TRAP1: variants seen among roughly 807,000 people sequenced by gnomAD.
TRAP1 encodes heat shock protein 75 kDa, mitochondrial.
TRAP1 carries 102 observed loss-of-function variants against 89.1 expected under a neutral mutation model. The observed-to-expected ratio is 1.15, with a 90% CI of 0.98 to 1.35. The LOEUF is 1.35. Among genes scored for constraint, TRAP1 ranks in the 40% most tolerant of loss-of-function variants. TRAP1 has a pLI of 0.00. For synonymous variants in TRAP1, 508 were observed against 388.0 expected, an observed-to-expected ratio of 1.31 and a Z score of -3.64; for missense variants, 1,256 against 945.3, an observed-to-expected ratio of 1.33 and a Z score of -4.31.
At chr16:3,692,593 GC>G (rs1299446018) in intron 1 of TRAP1, among the ~76,000 whole-genome samples, 19 of 120,128 alleles carry the variant, frequency 1.6e-4, no homozygotes, top group South Asian at 1.2e-3. Context: ...ACAAAAACTT[GC>G]CTTTTTTTTT....
intron 6 of TRAP1, among the ~76,000 whole-genome samples, chr16:3,677,185 C>T (rs1161219223): frequency 6.6e-6 from 1 of 152,036 alleles, no homozygotes; most frequent in South Asian, 2.1e-4. Flanking sequence ...GAAGGTCGGT[C>T]ACAGGAGGCT....
chr16:3,717,420 C>G lies in TRAP1; in HGVS notation c.88+1G>C. Reference sequence around the variant, plus strand: ...TGCCCGTCCAGCCAGGACGCCCTCACCTCCCGGCACGGCCGCCAGCGCCGG... The same window carrying G: ...TGCCCGTCCAGCCAGGACGCCCTCAGCTCCCGGCACGGCCGCCAGCGCCGG... On this transcript the variant is annotated splice_donor_variant, in intron 1 of 17. Transcript: ENST00000246957. LOFTEE classifies it high-confidence loss of function. 1 of 1,209,492 alleles carries G rather than the reference C, an allele frequency of 8.3e-7. No homozygotes were observed. The highest frequency in any genetic ancestry group is 1.0e-6 in the Non-Finnish European group (1 of 962,792). The allele number at this position is 1,209,492 out of a possible 1,614,324, so 74.9% of individuals were successfully genotyped here. A position where few individuals can be genotyped will look rare whatever the true frequency, so the allele number is the denominator to read the frequency against.
chr16:3,672,681 C>CGGGGGCACTGCTCAGA lies in TRAP1; in HGVS notation c.1165+18_1165+19insTCTGAGCAGTGCCCCC, dbSNP rs772973284. The CGGGGGCACTGCTCAGA allele has an allele frequency of 1.7e-5, 27 of 1,599,794 alleles. No homozygotes were observed. The highest frequency in any genetic ancestry group is 2.3e-5 in the Non-Finnish European group (27 of 1,174,276). ...CACTGGGCCACGGGGGCACTGCTCA[C>CGGGGGCACTGCTCAGA]GGACTCTGAGCAGCGTACCTCGGAT... On this transcript the variant is annotated intron_variant, in intron 10 of 17. Transcript: ENST00000246957.
At chr16:3,665,020 AG>A (rs1174712064) in intron 12 of TRAP1, 1 of 153,908 alleles carries the variant, frequency 6.5e-6, no homozygotes, top group African/African-American at 2.4e-5. Context: ...AAACAGAAAG[AG>A]GGAAAAGCAA....
rs1039598127 is a variant in TRAP1 at position 3,677,769 on chromosome 16, C to A, written c.544-111G>T. The A allele has an allele frequency of 3.9e-6, 5 of 1,278,320 alleles. No individual in the cohort carries two copies. In the African/African-American group the frequency reaches 4.5e-5, roughly 11 times the overall value. 79.2% of individuals were successfully genotyped at this position (1,278,320 alleles called of 1,614,324 possible). On this transcript the variant is annotated intron_variant, in intron 5 of 17. Transcript: ENST00000246957. Reference sequence around the variant, plus strand: ...TAAGACCCCTTCATCCTGAAAACAGCCACACCGAGTACTTTTCCACCCCAT... The same window carrying A: ...TAAGACCCCTTCATCCTGAAAACAGACACACCGAGTACTTTTCCACCCCAT...
intron 4 of TRAP1, chr16:3,680,182 C>G (rs1347913439): frequency 2.2e-5 from 4 of 182,684 alleles, no homozygotes; most frequent in Non-Finnish European, 4.7e-5. Context: ...CTGCAGTGAA[C>G]TGAGATTGCG....
intron 14 of TRAP1, 198 bp from the exon 15 acceptor site, chr16:3,663,165 G>T: frequency 1.5e-6 from 1 of 660,494 alleles, no homozygotes; most frequent in Admixed American, 3.0e-5. Context: ...CTTGGTTAGG[G>T]CTTTAAAAAA....
chr16:3,671,804 G>A lies in TRAP1; in HGVS notation c.1166-13C>T. On this transcript the variant is annotated splice_polypyrimidine_tract_variant and intron_variant, in intron 10 of 17. Transcript: ENST00000246957. ...CTGTCCACCACACCTGGGAGACACG[G>A]CAGTCAGCTTCTCCCGGGGCTGCGG... 4 of 1,611,918 alleles carry A rather than the reference G, an allele frequency of 2.5e-6. No homozygotes were observed. Among genetic ancestry groups the A allele is most frequent in the Non-Finnish European group, 3.4e-6 (4 of 1,179,916 alleles).
At chr16:3,678,313 C>G (rs1221406702) in intron 5 of TRAP1, 1 of 152,290 alleles carries the variant, frequency 6.6e-6, no homozygotes, top group Non-Finnish European at 1.5e-5. Context: ...ACAATGTCCC[C>G]TTTTATTTAA....
chr16:3,674,140 G>A (rs555346371), intron 9 of TRAP1, among the ~76,000 whole-genome samples, 199 bp downstream of exon 9: 3 of 152,128 alleles, frequency 2.0e-5, no homozygotes, highest in East Asian at 3.9e-4. Flanking sequence ...AGCCTGGTCT[G>A]CAACTCCTGG....
intron 1 of TRAP1, among the ~76,000 whole-genome samples, chr16:3,708,343 A>G (rs2051479265): frequency 1.3e-5 from 2 of 152,092 alleles, no homozygotes; most frequent in Admixed American, 1.3e-4. Context: ...AAAAAAAACA[A>G]AAATTAGCCA....
At chr16:3,664,252 G>A (rs781132432) in intron 13 of TRAP1, 22 bp downstream of exon 13, 16 of 1,456,296 alleles carry the variant, frequency 1.1e-5, no homozygotes, top group South Asian at 7.4e-5. Context: ...CCCGGAGCCC[G>A]CCCCACCCAC....
chr16:3,658,374 C>T (rs1432755264), intron 17 of TRAP1, 144 bp from the exon 18 acceptor site: 2 of 682,402 alleles, frequency 2.9e-6, no homozygotes, highest in Non-Finnish European at 5.0e-6. Flanking sequence ...GATCCCCCCG[C>T]CTCCCAAAGT....
At chr16:3,682,025 A>C (rs1450282666) in intron 4 of TRAP1, among the ~76,000 whole-genome samples, 2 of 152,226 alleles carry the variant, frequency 1.3e-5, no homozygotes, top group Non-Finnish European at 2.9e-5. Flanking sequence ...GGATGAAAGA[A>C]CCAAACAGAG....
intron 1 of TRAP1, among the ~76,000 whole-genome samples, chr16:3,715,880 T>C (rs2051591881): frequency 6.6e-6 from 1 of 152,210 alleles, no homozygotes; most frequent in East Asian, 1.9e-4. Context: ...TTTTTGTTGT[T>C]GAGATGAAGT....
Position 3,666,123 on chromosome 16 carries a change from A to G in TRAP1, c.1236-5T>C. 6.2e-7 allele frequency: 1 copy of G among 1,609,252 alleles called. No individual in the cohort carries two copies. The highest frequency in any genetic ancestry group is 8.5e-7 in the Non-Finnish European group (1 of 1,178,522). ...TGTAAAACGTCCCGGAGTTTCCTACAGAAAAGAAATGCATTTAATACATAC... is the reference window on the plus strand; with the variant it reads ...TGTAAAACGTCCCGGAGTTTCCTACGGAAAAGAAATGCATTTAATACATAC... On this transcript the variant is annotated splice_region_variant and splice_polypyrimidine_tract_variant and intron_variant, in intron 11 of 17. Coordinates refer to ENST00000246957, the MANE Select transcript of TRAP1 (RefSeq NM_016292.3).
At position 3,690,813 on chromosome 16, in the gene TRAP1, C is replaced by T. The variant is rs374748589; in HGVS notation, c.247+14G>A. ...CAAAAAGCCCTCCCAGACCAAAGCA[C>T]GAGCCAAGGCTACCCTGCACGCTCT... On this transcript the variant is annotated intron_variant, in intron 2 of 17. Coordinates refer to ENST00000246957, the MANE Select transcript of TRAP1 (RefSeq NM_016292.3). The T allele has an allele frequency of 9.4e-6, 13 of 1,380,828 alleles. 1 individual carries two copies. The highest frequency in any genetic ancestry group is 7.4e-5 in the African/African-American group (5 of 67,154). The allele number at this position is 1,380,828 out of a possible 1,614,324, so 85.5% of individuals were successfully genotyped here. A position where few individuals can be genotyped will look rare whatever the true frequency, so the allele number is the denominator to read the frequency against.
chr16:3,662,995 C>A, intron 14 of TRAP1, 28 bp from the exon 15 acceptor site: 1 of 1,558,662 alleles, frequency 6.4e-7, no homozygotes, highest in Non-Finnish European at 8.7e-7. Flanking sequence ...ACAGGGAGCT[C>A]AGGCCTGCAT....
At position 3,663,354 on chromosome 16, in the gene TRAP1, C is replaced by A; in HGVS notation, c.1708+70G>T. 9 of 1,587,774 alleles carry A rather than the reference C, an allele frequency of 5.7e-6. No homozygotes were observed. In the South Asian group the frequency reaches 9.0e-5, roughly 16 times the overall value. ...CTGACGAAAACCCAAAGGAAGCCCT[C>A]GCTGCGGGGCAGGAGAGGCGTGCGG... On this transcript the variant is annotated intron_variant, in intron 14 of 17. Coordinates refer to ENST00000246957, the MANE Select transcript of TRAP1 (RefSeq NM_016292.3).
Sources: allele counts gnomAD v4.1 joint callset (sites outside exome capture counted in the v4.1 genomes callset), GRCh38; gene constraint gnomAD v4.1.1; transcripts MANE v1.5; gene names NCBI Gene and HGNC (gene_info 2026-07-23, HGNC 2026-07-21).